Variants in CNBD1 observed in about 807,000 individuals in gnomAD.
CNBD1 encodes cyclic nucleotide binding domain containing 1.
CNBD1 carries 71 observed loss-of-function variants against 54.4 expected under a neutral mutation model. The ratio of observed to expected loss-of-function variants is 1.30; its 90% CI spans 1.08 to 1.59. The LOEUF is 1.59. Among genes scored for constraint, CNBD1 ranks in the 40% most tolerant of loss-of-function variants. The pLI is 0.00. For synonymous variants in CNBD1, 182 were observed against 170.7 expected (o/e 1.07, Z -0.51); for missense variants, 659 against 518.0 (o/e 1.27, Z -2.64).
At chr8:87,352,831 T>G (rs1204651139) in intron 9 of CNBD1, among the ~76,000 whole-genome samples, 2 of 152,216 alleles carry the variant, frequency 1.3e-5, no homozygotes, top group Non-Finnish European at 2.9e-5. Context: ...TCTGCTGCAC[T>G]AATCATATTC....
chr8:87,024,188 G>A (rs1161914382), intron 4 of CNBD1, among the ~76,000 whole-genome samples: 1 of 136,810 alleles, frequency 7.3e-6, no homozygotes, highest in Non-Finnish European at 1.6e-5. Context: ...GCAGTGAGCC[G>A]AGATCACACC....
At chr8:86,873,577 G>T (rs1286649378) in intron 1 of CNBD1, among the ~76,000 whole-genome samples, 1 of 151,932 alleles carries the variant, frequency 6.6e-6, no homozygotes, top group East Asian at 1.9e-4. Context: ...GAGGATCCCT[G>T]GAGGCCAGGA....
At chr8:86,930,440 G>C (rs547808623) in intron 3 of CNBD1, among the ~76,000 whole-genome samples, 1 of 152,176 alleles carries the variant, frequency 6.6e-6, no homozygotes, top group Non-Finnish European at 1.5e-5. Flanking sequence ...CTGGACTTGA[G>C]AAATGGCCTA....
At chr8:87,382,446 G>T (rs115980796) in intron 10 of CNBD1, among the ~76,000 whole-genome samples, 174 bp from the exon 11 acceptor site, 2,285 of 152,020 alleles carry the variant, frequency 0.015, 58 homozygotes, top group African/African-American at 0.049. Context: ...ATTAGAGGGG[G>T]TGTAAAGTGT....
intron 8 of CNBD1, among the ~76,000 whole-genome samples, chr8:87,303,995 T>A (rs1809081689): frequency 6.6e-6 from 1 of 152,146 alleles, no homozygotes; most frequent in Admixed American, 6.6e-5. Flanking sequence ...CAACAGGTGC[T>A]GGAGAGGATA....
At chr8:87,368,448 C>G (rs1288263901) in intron 10 of CNBD1, among the ~76,000 whole-genome samples, 1 of 151,746 alleles carries the variant, frequency 6.6e-6, no homozygotes, top group East Asian at 2.0e-4. Flanking sequence ...CTAGACTGGG[C>G]AACATAGTGA....
At chr8:86,944,993 T>G (rs1371473839) in intron 4 of CNBD1, among the ~76,000 whole-genome samples, 2 of 152,210 alleles carry the variant, frequency 1.3e-5, no homozygotes, top group East Asian at 1.9e-4. Context: ...TTGCTCAGTT[T>G]GACCACTAAC....
chr8:87,359,825 T>C (rs1210934028), intron 10 of CNBD1, among the ~76,000 whole-genome samples: 1 of 152,054 alleles, frequency 6.6e-6, no homozygotes, highest in African/African-American at 2.4e-5. Context: ...TTAGCTGTTA[T>C]ATTACATAGG....
At chr8:87,408,742 G>T (rs115569427) in intron 2 of CNBD1, among the ~76,000 whole-genome samples, 2,772 of 152,142 alleles carry the variant, frequency 0.018, 84 homozygotes, top group African/African-American at 0.06. Flanking sequence ...CGTGTCACAT[G>T]TTAGTAATTC....
At chr8:87,098,122 A>G (rs942865696) in intron 4 of CNBD1, among the ~76,000 whole-genome samples, 20 of 152,218 alleles carry the variant, frequency 1.3e-4, no homozygotes, top group Admixed American at 8.5e-4. Flanking sequence ...ACAAAGTTAC[A>G]TAACTCATGA....
Position 87,418,584 on chromosome 8 carries a change from A to C in CNBD1, c.214-9962A>C, listed in dbSNP as rs184737881. The stretch of plus-strand genomic sequence containing the variant: ...GAAAGTGAAAAGATGACCTACAAAA[A>C]AGGAAAAAGTATTCACAAATCACAT... On this transcript the variant is annotated intron_variant, in intron 2 of 7. Coordinates refer to the CNBD1 transcript ENST00000521593. Among the ~76,000 whole-genome samples, 6 of 152,084 alleles carry C rather than the reference A, an allele frequency of 3.9e-5. No individual in the cohort carries two copies. In the East Asian group the frequency reaches 1.2e-3, roughly 29 times the overall value.
At chr8:87,138,232 A>G (rs1056388730) in intron 4 of CNBD1, among the ~76,000 whole-genome samples, 1 of 152,154 alleles carries the variant, frequency 6.6e-6, no homozygotes, top group Non-Finnish European at 1.5e-5. Flanking sequence ...TGGAGTTCCT[A>G]CTATTACACT....
At chr8:87,021,467 C>G (rs995902964) in intron 4 of CNBD1, among the ~76,000 whole-genome samples, 1 of 152,150 alleles carries the variant, frequency 6.6e-6, no homozygotes, top group African/African-American at 2.4e-5. Flanking sequence ...CAAATTTGAA[C>G]TAATTTGAAC....
intron 9 of CNBD1, 118 bp downstream of exon 9, chr8:87,351,912 A>G: frequency 9.6e-7 from 1 of 1,041,724 alleles, no homozygotes; most frequent in Non-Finnish European, 1.3e-6. Context: ...ATTTCTATTC[A>G]ATTTTTTGAA....
At chr8:87,025,744 C>T (rs898096177) in intron 4 of CNBD1, among the ~76,000 whole-genome samples, 2 of 152,166 alleles carry the variant, frequency 1.3e-5, no homozygotes, top group Non-Finnish European at 2.9e-5. Context: ...TCTGCGGCTT[C>T]ACTCCTGAGG....
At chr8:87,081,605 A>G (rs551408421) in intron 4 of CNBD1, among the ~76,000 whole-genome samples, 2 of 150,772 alleles carry the variant, frequency 1.3e-5, no homozygotes, top group African/African-American at 4.9e-5. Flanking sequence ...TCCCTGGTTC[A>G]AGCGATTCTC....
At chr8:87,388,988 A>C (rs1811251500) in intron 2 of CNBD1, among the ~76,000 whole-genome samples, 1 of 152,216 alleles carries the variant, frequency 6.6e-6, no homozygotes, top group Non-Finnish European at 1.5e-5. Context: ...AAACAGAACC[A>C]ACGACAAAAA....
chr8:87,098,744 A>C (rs984124148), intron 4 of CNBD1, among the ~76,000 whole-genome samples: 1 of 151,688 alleles, frequency 6.6e-6, no homozygotes, highest in Non-Finnish European at 1.5e-5. Flanking sequence ...AAAAAAAAAA[A>C]AAAAACTCCT....
intron 10 of CNBD1, among the ~76,000 whole-genome samples, chr8:87,374,222 G>T (rs376997152): frequency 6.6e-6 from 1 of 151,586 alleles, no homozygotes; most frequent in African/African-American, 2.4e-5. Context: ...AATATTTACC[G>T]TGCACTTCAT....
Sources: gnomAD v4.1 joint callset for allele counts (sites outside exome capture counted in the v4.1 genomes callset) on GRCh38, gnomAD v4.1.1 for gene constraint, MANE v1.5 for transcripts, NCBI Gene and HGNC (gene_info 2026-07-23, HGNC 2026-07-21) for gene names.